Variants in GSG1L2 observed in about 807,000 individuals in gnomAD.
GSG1L2 encodes germ cell-specific gene 1-like protein 2.
A neutral mutation model predicts 9.0 loss-of-function variants in GSG1L2; 15 were observed. The observed-to-expected ratio is 1.67, with a 90% CI of 1.12 to 2.57. The LOEUF (loss-of-function observed/expected upper bound fraction) is 2.57. GSG1L2 is among the 30% of genes most tolerant of loss of function. GSG1L2 has a pLI of 0.00. For missense variants in GSG1L2, 286 were observed against 150.3 expected, an observed-to-expected ratio of 1.90 and a Z score of -4.72; for synonymous variants, 127 against 57.9, an observed-to-expected ratio of 2.19 and a Z score of -5.41.
At chr17:9,817,566 AGGCACC>A (rs934880706) in intron 1 of GSG1L2, among the ~76,000 whole-genome samples, 3 of 151,874 alleles carry the variant, frequency 2.0e-5, no homozygotes, top group Non-Finnish European at 4.4e-5. Flanking sequence ...CTGGAATTAC[AGGCACC>A]CACCACCACA....
intron 1 of GSG1L2, among the ~76,000 whole-genome samples, chr17:9,819,530 T>C (rs1412876135): frequency 6.6e-6 from 1 of 152,246 alleles, no homozygotes; most frequent in East Asian, 1.9e-4. Flanking sequence ...GACTAAGTTA[T>C]GGAGAAGAAA....
chr17:9,812,887 G>A (rs2066544701), intron 1 of GSG1L2, among the ~76,000 whole-genome samples: 1 of 152,172 alleles, frequency 6.6e-6, no homozygotes, highest in South Asian at 2.1e-4. Context: ...ACAGGCATGG[G>A]CCACCATACC....
chr17:9,816,866 G>A (rs202039977), intron 1 of GSG1L2, among the ~76,000 whole-genome samples: 341 of 141,146 alleles, frequency 2.4e-3, no homozygotes, highest in Non-Finnish European at 4.3e-3. Flanking sequence ...CTGTATGTGT[G>A]TGTCTGTGTG....
rs1338326660 is a variant in GSG1L2 at position 9,808,943 on chromosome 17, A to G, written c.398T>C (p.Ile133Thr). Residue 133 changes from isoleucine (I) to threonine (T), a missense_variant, in exon 3 of 5, where the codon ATC becomes ACC. By Grantham distance (89) the Ile-to-Thr change is moderately conservative. Coordinates refer to ENST00000399363, the MANE Select transcript of GSG1L2 (RefSeq NM_001310219.2). ...GATGGCGCTTGTCAGTATCAGAACG[A>G]TATCCAGGACCTCGCCCCCGATGGA... ...WLSIGGEVLD[I>T]VLILTSAILL... is the part of the protein sequence containing the mutation. The G allele has an allele frequency of 4.3e-6, 3 of 703,030 alleles. No individual in the cohort carries two copies. Among genetic ancestry groups the G allele is most frequent in the East Asian group, 2.7e-5 (1 of 37,280 alleles). The allele number at this position is 703,030 out of a possible 1,614,324, so 43.5% of individuals were successfully genotyped here.
chr17:9,810,770 C>A (rs2066536102), intron 1 of GSG1L2, 152 bp from the exon 2 acceptor site: 1 of 628,580 alleles, frequency 1.6e-6, no homozygotes, highest in Admixed American at 2.5e-5. Flanking sequence ...TGTGTGGGAG[C>A]CTGATATAAT....
intron 1 of GSG1L2, among the ~76,000 whole-genome samples, chr17:9,815,262 C>T (rs1317856876): frequency 2.0e-5 from 3 of 152,106 alleles, no homozygotes; most frequent in Admixed American, 1.3e-4. Flanking sequence ...TGGTGGCATG[C>T]GCCTGTAATC....
At chr17:9,815,476 A>T (rs186083864) in intron 1 of GSG1L2, among the ~76,000 whole-genome samples, 4 of 152,320 alleles carry the variant, frequency 2.6e-5, no homozygotes, top group South Asian at 2.1e-4. Flanking sequence ...AATCCTTATT[A>T]AAAAAATCTC....
At chr17:9,818,514 TTTTTTTTTTTTTTTGTA>T (rs1209344954) in intron 1 of GSG1L2, among the ~76,000 whole-genome samples, 1 of 141,080 alleles carries the variant, frequency 7.1e-6, no homozygotes, top group Non-Finnish European at 1.5e-5. Context: ...TTTTTTTTTT[TTTTTTTTTTTTTTTGTA>T]TTTTAGTAGA....
intron 1 of GSG1L2, among the ~76,000 whole-genome samples, chr17:9,812,639 T>C (rs1217733874): frequency 1.3e-5 from 2 of 152,118 alleles, no homozygotes; most frequent in East Asian, 3.9e-4. Flanking sequence ...TTTTTTTATT[T>C]TTTGAGACAG....
intron 1 of GSG1L2, among the ~76,000 whole-genome samples, chr17:9,819,963 C>A (rs1441995961): frequency 2.0e-5 from 3 of 152,004 alleles, no homozygotes; most frequent in East Asian, 3.9e-4. Context: ...GTGGCTCATG[C>A]CTGTAATCCC....
intron 4 of GSG1L2, chr17:9,804,223 G>C (rs1284232792): frequency 6.6e-6 from 1 of 152,236 alleles, no homozygotes; most frequent in Non-Finnish European, 1.5e-5. Flanking sequence ...AAGACAAGAA[G>C]GATGCCTGTT....
At chr17:9,808,021 G>A (rs1452755204) in intron 3 of GSG1L2, 21 of 156,456 alleles carry the variant, frequency 1.3e-4, no homozygotes, top group Admixed American at 1.3e-3. Flanking sequence ...CTGATTGAGA[G>A]GTTCCAAATA....
At chr17:9,816,924 G>GTGTGTGTGTATC (rs2066569843) in intron 1 of GSG1L2, among the ~76,000 whole-genome samples, 4 of 44,076 alleles carry the variant, frequency 9.1e-5, no homozygotes, top group Admixed American at 3.6e-4. Context: ...GTGTGTGTGT[G>GTGTGTGTGTATC]TGTGTGTGTG....
At chr17:9,814,698 G>A (rs756999966) in intron 1 of GSG1L2, among the ~76,000 whole-genome samples, 6 of 152,140 alleles carry the variant, frequency 3.9e-5, no homozygotes, top group Non-Finnish European at 8.8e-5. Flanking sequence ...CCAGGGAGGC[G>A]GGTGTTACAT....
intron 1 of GSG1L2, among the ~76,000 whole-genome samples, chr17:9,817,966 T>C (rs558098275): frequency 1.2e-4 from 18 of 152,216 alleles, no homozygotes; most frequent in African/African-American, 4.1e-4. Flanking sequence ...AACGTTCTCA[T>C]CCCCAATCTC....
chr17:9,818,154 G>A (rs552005498), intron 1 of GSG1L2, among the ~76,000 whole-genome samples: 2 of 152,188 alleles, frequency 1.3e-5, no homozygotes, highest in Non-Finnish European at 2.9e-5. Flanking sequence ...ATTGGCTCAC[G>A]GTTCTGCTGG....
intron 4 of GSG1L2, among the ~76,000 whole-genome samples, chr17:9,807,085 G>A (rs1259933508): frequency 6.6e-6 from 1 of 152,212 alleles, no homozygotes; most frequent in East Asian, 1.9e-4. Flanking sequence ...GAGTCAGTTA[G>A]AGACAGAATT....
At chr17:9,809,092 C>A (rs942655608) in intron 2 of GSG1L2, 110 bp from the exon 3 acceptor site, 10 of 640,308 alleles carry the variant, frequency 1.6e-5, no homozygotes, top group Middle Eastern at 4.9e-4. Context: ...AAAACAGACA[C>A]GCTGGAGTGA....
chr17:9,807,381 G>A (rs1487922874), intron 4 of GSG1L2, 109 bp downstream of exon 4: 1 of 661,582 alleles, frequency 1.5e-6, no homozygotes, highest in African/African-American at 1.8e-5. Context: ...CACAATACTG[G>A]CAGATGCCAG....
Sources: allele counts gnomAD v4.1 joint callset (sites outside exome capture counted in the v4.1 genomes callset), GRCh38; gene constraint gnomAD v4.1.1; transcripts MANE v1.5; gene names NCBI Gene and HGNC (gene_info 2026-07-23, HGNC 2026-07-21).